Variants in C12orf54 observed in about 807,000 individuals in gnomAD.
The protein encoded by C12orf54 is uncharacterized protein C12orf54.
In C12orf54, 24 loss-of-function variants were observed where a neutral mutation model predicts 26.4. The observed-to-expected ratio is 0.91, with a 90% confidence interval of 0.66 to 1.28. The LOEUF is 1.28. Among genes scored for constraint, C12orf54 ranks in the 50% most tolerant of loss-of-function variants. The pLI is 0.00. For missense variants in C12orf54, 154 were observed against 150.9 expected (o/e 1.02, Z -0.11); for synonymous variants, 54 against 47.0 (o/e 1.15, Z -0.61).
the C12orf54 span, among the ~76,000 whole-genome samples, chr12:48,423,790 TAAAG>T: frequency 3.9e-5 from 6 of 152,100 alleles, no homozygotes; most frequent in African/African-American, 7.2e-5. Context: ...AATCTATTAA[TAAAG>T]AGAGTGCTAC....
At chr12:48,476,684 A>G in the C12orf54 span, among the ~76,000 whole-genome samples, 3 of 152,184 alleles carry the variant, frequency 2.0e-5, no homozygotes, top group African/African-American at 7.2e-5. Flanking sequence ...TCAATTCAAC[A>G]AGAAGAGCTA....
chr12:48,493,655 G>T (rs1937842170), intron 7 of C12orf54, among the ~76,000 whole-genome samples: 1 of 82,114 alleles, frequency 1.2e-5, no homozygotes, highest in African/African-American at 4.8e-5. Context: ...AAGGGATCCG[G>T]GACTTAGAAG....
the C12orf54 span, among the ~76,000 whole-genome samples, chr12:48,425,043 G>A: frequency 6.6e-6 from 1 of 151,938 alleles, no homozygotes; most frequent in African/African-American, 2.4e-5. Context: ...TTATATGTAG[G>A]CTATATCTCA....
the C12orf54 span, chr12:48,442,484 A>G: frequency 6.4e-6 from 1 of 157,136 alleles, no homozygotes; most frequent in Non-Finnish European, 1.4e-5. Context: ...GATATTGATG[A>G]GGGCATCCAG....
chr12:48,472,380 A>T, the C12orf54 span, among the ~76,000 whole-genome samples: 2 of 152,168 alleles, frequency 1.3e-5, no homozygotes, highest in Admixed American at 6.5e-5. Context: ...ATGAGAAGTG[A>T]TCAGATTTAG....
chr12:48,432,966 G>C, the C12orf54 span, among the ~76,000 whole-genome samples: 21 of 151,604 alleles, frequency 1.4e-4, no homozygotes, highest in Admixed American at 8.5e-4. Context: ...AAACAAGACA[G>C]TAGTACTAGA....
At chr12:48,485,289 TTTG>T (rs907628528) in intron 2 of C12orf54, among the ~76,000 whole-genome samples, 5 of 151,782 alleles carry the variant, frequency 3.3e-5, no homozygotes, top group African/African-American at 1.2e-4. Context: ...TTGGTTTTGT[TTTG>T]TTTTGTTTTG....
At chr12:48,486,083 A>C (rs1046234585) in intron 2 of C12orf54, 95 bp from the exon 3 acceptor site, 163 of 1,255,478 alleles carry the variant, frequency 1.3e-4, no homozygotes, top group Non-Finnish European at 4.9e-5. Flanking sequence ...AGAAACTTCA[A>C]GAATTCCTGC....
chr12:48,434,597 G>A, the C12orf54 span, among the ~76,000 whole-genome samples: 111 of 152,256 alleles, frequency 7.3e-4, no homozygotes, highest in African/African-American at 2.4e-3. Context: ...CAGCATTTGC[G>A]GTTCACCAAT....
At chr12:48,457,080 C>T in the C12orf54 span, among the ~76,000 whole-genome samples, 320 of 152,122 alleles carry the variant, frequency 2.1e-3, 2 homozygotes, top group Non-Finnish European at 3.3e-3. Flanking sequence ...TTGTGTCTGT[C>T]TCCCCTATTA....
the C12orf54 span, among the ~76,000 whole-genome samples, chr12:48,422,583 A>G: frequency 0.051 from 7,692 of 152,256 alleles, 663 homozygotes; most frequent in African/African-American, 0.17. Context: ...ATTGTTTGTC[A>G]TATCATGGAA....
At chr12:48,458,323 A>G in the C12orf54 span, among the ~76,000 whole-genome samples, 2 of 152,192 alleles carry the variant, frequency 1.3e-5, no homozygotes, top group Non-Finnish European at 2.9e-5. Flanking sequence ...AAACAGTCAA[A>G]ACTCTGAGCT....
At chr12:48,472,117 G>A in the C12orf54 span, among the ~76,000 whole-genome samples, 162 of 152,134 alleles carry the variant, frequency 1.1e-3, no homozygotes, top group African/African-American at 3.5e-3. Flanking sequence ...TTGTAAATGG[G>A]GTTGTGTTCT....
intron 4 of C12orf54, 110 bp downstream of exon 4, chr12:48,486,836 C>A (rs529761561): frequency 9.0e-7 from 1 of 1,114,950 alleles, no homozygotes; most frequent in Non-Finnish European, 1.3e-6. Context: ...TGTTGATTGA[C>A]GGTGAAGGAT....
intron 8 of C12orf54, 37 bp downstream of exon 8, chr12:48,495,016 C>T (rs1048396510): frequency 2.7e-6 from 4 of 1,489,254 alleles, no homozygotes; most frequent in African/African-American, 2.8e-5. Flanking sequence ...TGAGCTCCAC[C>T]CTGCCCATCT....
chr12:48,466,117 A>T, the C12orf54 span, among the ~76,000 whole-genome samples: 19,275 of 152,236 alleles, frequency 0.13, 1,618 homozygotes, highest in Non-Finnish European at 0.2. Context: ...AGAGAGAAAC[A>T]ATTGCAATTC....
chr12:48,476,607 T>C, the C12orf54 span, among the ~76,000 whole-genome samples: 1 of 152,100 alleles, frequency 6.6e-6, no homozygotes, highest in East Asian at 1.9e-4. Context: ...TAGTCTCTGA[T>C]AAAACAGACT....
chr12:48,441,528 C>G, the C12orf54 span, among the ~76,000 whole-genome samples: 49 of 151,780 alleles, frequency 3.2e-4, no homozygotes, highest in Non-Finnish European at 6.2e-4. Context: ...CTGGACCAGT[C>G]ACTGTGCCAG....
At chr12:48,426,613 T>C in the C12orf54 span, among the ~76,000 whole-genome samples, 1 of 152,162 alleles carries the variant, frequency 6.6e-6, no homozygotes, top group Non-Finnish European at 1.5e-5. Context: ...TTTCTAGTTC[T>C]ATAAAAAATG....
Sources: allele counts gnomAD v4.1 joint callset (sites outside exome capture counted in the v4.1 genomes callset), GRCh38; gene constraint gnomAD v4.1.1; transcripts MANE v1.5; gene names NCBI Gene and HGNC (gene_info 2026-07-23, HGNC 2026-07-21).